The following PGGT1B variants were observed in gnomAD, a reference collection of about 807,000 sequenced individuals.
PGGT1B encodes geranylgeranyl transferase type-1 subunit beta.
A neutral mutation model predicts 46.1 loss-of-function variants in PGGT1B; 30 were observed. The ratio of observed to expected loss-of-function variants is 0.65; its 90% CI spans 0.49 to 0.88. The LOEUF is 0.88. Ranked by LOEUF, PGGT1B falls within the 40% of genes least tolerant of loss-of-function variation. The pLI is 0.00. For synonymous variants in PGGT1B, 170 were observed against 160.0 expected (o/e 1.06, Z -0.47); for missense variants, 376 against 455.9 (o/e 0.82, Z 1.60).
Position 115,208,040 on chromosome 5 carries a change from G to A in PGGT1B, c.*4362C>T, listed in dbSNP as rs1005007509. 6.6e-6 allele frequency: 1 copy of A among 151,856 alleles called. No homozygotes were observed. The highest frequency in any genetic ancestry group is 1.5e-5 in the Non-Finnish European group (1 of 67,896). The allele number at this position is 151,856 out of a possible 1,614,324, so 9.4% of individuals were successfully genotyped here. On this transcript the variant is annotated 3_prime_UTR_variant, in exon 9 of 9. Coordinates refer to ENST00000419445, the MANE Select transcript of PGGT1B (RefSeq NM_005023.4). ...GAATAGTAACAGATTATCTAGTATTGAACTACCCTTGCATTCTTACAATAA... is the reference window on the plus strand; with the variant it reads ...GAATAGTAACAGATTATCTAGTATTAAACTACCCTTGCATTCTTACAATAA...
rs982413365 is a variant in PGGT1B, at chr5:115,205,147, TGA to T, written c.*7253_*7254del. The stretch of plus-strand genomic sequence containing the variant: ...CTTGACTTGCTCATGTAGAATTAAA[TGA>T]GAGGGAAATTGGCTTTGAGCCTAAA... On this transcript the variant is annotated 3_prime_UTR_variant, in exon 9 of 9. Transcript: ENST00000419445. 3 of 152,208 alleles carry T rather than the reference TGA, an allele frequency of 2.0e-5. No individual in the cohort carries two copies. Among genetic ancestry groups the T allele is most frequent in the Non-Finnish European group, 2.9e-5 (2 of 68,020 alleles). The allele number at this position is 152,208 out of a possible 1,614,324, so 9.4% of individuals were successfully genotyped here. A position where few individuals can be genotyped will look rare whatever the true frequency, so the allele number is the denominator to read the frequency against.
chr5:115,234,232 T>C (rs115763614), intron 5 of PGGT1B, among the ~76,000 whole-genome samples: 3,209 of 148,542 alleles, frequency 0.022, 132 homozygotes, highest in African/African-American at 0.075. Context: ...AAAAAGAATA[T>C]GGTATGCTAC....
chr5:115,222,005 C>A lies in PGGT1B; in HGVS notation c.662G>T (p.Gly221Val). ...TGAGGCAATGCCACAAAAAGTTGAT[C>A]CTCCTGTTAATCAAAACCACACAAC... ...AQGAGLESHG[G>V]STFCGIASLC... The change falls in exon 7 of 9, where the codon GGA becomes GTA. Residue 221 changes from glycine (G) to valine (V), a missense_variant. Coordinates refer to ENST00000419445, the MANE Select transcript of PGGT1B (RefSeq NM_005023.4). The A allele has an allele frequency of 6.4e-7, 1 of 1,554,782 alleles. No homozygotes were observed. Among genetic ancestry groups the A allele is most frequent in the Non-Finnish European group, 8.7e-7 (1 of 1,153,744 alleles).
chr5:115,252,294 T>C (rs532273642), intron 2 of PGGT1B, among the ~76,000 whole-genome samples: 2 of 152,202 alleles, frequency 1.3e-5, no homozygotes, highest in East Asian at 3.9e-4. Flanking sequence ...ACAAACACTA[T>C]GAACTTCAAG....
intron 2 of PGGT1B, among the ~76,000 whole-genome samples, chr5:115,246,135 T>C (rs1747822467): frequency 1.3e-5 from 2 of 152,110 alleles, no homozygotes; most frequent in African/African-American, 2.4e-5. Context: ...GTGGATCACC[T>C]GAGGTCAGGA....
intron 1 of PGGT1B, among the ~76,000 whole-genome samples, chr5:115,259,899 A>G (rs1306566428): frequency 6.6e-6 from 1 of 152,146 alleles, no homozygotes; most frequent in Non-Finnish European, 1.5e-5. Context: ...TAAAAATAAC[A>G]GAAAATTGTC....
At position 115,251,762 on chromosome 5, in the gene PGGT1B, T is replaced by G. The variant is rs565958160; in HGVS notation, c.259+1375A>C. On this transcript the variant is annotated intron_variant, in intron 2 of 8. Transcript: ENST00000419445. ...GGAATAGCTTTCGTATGTGCCACAG[T>G]GTGTATATGATTTCCTATCTGTACC... Among the ~76,000 whole-genome samples, 11 of 152,112 alleles carry G rather than the reference T, an allele frequency of 7.2e-5. No homozygotes were observed. The East Asian group carries it at 2.1e-3, about 29-fold the overall frequency.
rs1326219802 is a variant in PGGT1B, at chr5:115,212,023, A to G, written c.*379T>C. Reference sequence around the variant, plus strand: ...CTTTTTAAATGATCACTAAGTGTTCACCTGAAGATTATCAATGCTATATGA... The same window carrying G: ...CTTTTTAAATGATCACTAAGTGTTCGCCTGAAGATTATCAATGCTATATGA... On this transcript the variant is annotated 3_prime_UTR_variant, in exon 9 of 9. Transcript: ENST00000419445. 1.8e-5 allele frequency: 3 copies of G among 165,100 alleles called. No individual in the cohort carries two copies. In the East Asian group the frequency reaches 5.4e-4, roughly 30 times the overall value. 10.2% of individuals were successfully genotyped at this position (165,100 alleles called of 1,614,324 possible).
chr5:115,254,060 C>T (rs777278327), intron 1 of PGGT1B, among the ~76,000 whole-genome samples: 3 of 152,126 alleles, frequency 2.0e-5, no homozygotes, highest in African/African-American at 4.8e-5. Flanking sequence ...AATAAATTAA[C>T]ACTTCAAATT....
intron 8 of PGGT1B, among the ~76,000 whole-genome samples, chr5:115,216,205 T>A (rs1756411364): frequency 6.6e-6 from 1 of 152,136 alleles, no homozygotes; most frequent in Non-Finnish European, 1.5e-5. Flanking sequence ...AGTGGTGCAA[T>A]CTCGGCTCAC....
chr5:115,218,627 C>A (rs1756497643), intron 7 of PGGT1B, among the ~76,000 whole-genome samples: 1 of 150,816 alleles, frequency 6.6e-6, no homozygotes, highest in South Asian at 2.1e-4. Flanking sequence ...CTTCTCTGTA[C>A]AAAGTATATC....
At position 115,205,272 on chromosome 5, in the gene PGGT1B, T is replaced by C. The variant is rs1756029201; in HGVS notation, c.*7130A>G. 2 of 152,164 alleles carry C rather than the reference T, an allele frequency of 1.3e-5. No individual in the cohort carries two copies. The highest frequency in any genetic ancestry group is 6.6e-5 in the Admixed American group (1 of 15,264). 9.4% of individuals were successfully genotyped at this position (152,164 alleles called of 1,614,324 possible). On this transcript the variant is annotated 3_prime_UTR_variant, in exon 9 of 9. Coordinates refer to ENST00000419445, the MANE Select transcript of PGGT1B (RefSeq NM_005023.4). ...GAAAACTTTTTGACTCACAAGTAGA[T>C]GCAAACATACATGAGTGAGGTCCCA...
chr5:115,230,530 T>C (rs1756944383), intron 6 of PGGT1B, among the ~76,000 whole-genome samples: 1 of 152,130 alleles, frequency 6.6e-6, no homozygotes. Context: ...GAATATAAGC[T>C]AAGCAGCAAA....
At chr5:115,218,646 A>T in intron 7 of PGGT1B, among the ~76,000 whole-genome samples, 1 of 151,516 alleles carries the variant, frequency 6.6e-6, no homozygotes, top group East Asian at 1.9e-4. Context: ...TCTCAGGGTA[A>T]GGTAAAATTC....
At position 115,260,986 on chromosome 5, in the gene PGGT1B, C is replaced by CAACTGTTTAACAATCACA. The variant is rs1748533121; in HGVS notation, c.140+1708_140+1725dup. Among the ~76,000 whole-genome samples, 3 of 152,286 alleles carry CAACTGTTTAACAATCACA rather than the reference C, an allele frequency of 2.0e-5. No homozygotes were observed. The South Asian group carries it at 6.2e-4, about 32-fold the overall frequency. On this transcript the variant is annotated intron_variant, in intron 1 of 8. Transcript: ENST00000419445. The stretch of plus-strand genomic sequence containing the variant: ...TATAGTGATAGCTGCAAGCAAAGTT[C>CAACTGTTTAACAATCACA]AACTGTTTAACAATCACAATTTAAT...
intron 5 of PGGT1B, among the ~76,000 whole-genome samples, chr5:115,234,526 A>C (rs1757112991): frequency 6.6e-6 from 1 of 152,048 alleles, no homozygotes; most frequent in Non-Finnish European, 1.5e-5. Flanking sequence ...GGCAGGAGAG[A>C]GCTAAGTGAA....
In PGGT1B at chr5:115,243,431, A is replaced by G. The variant is rs188499541; in HGVS notation, c.260-1825T>C. Among the ~76,000 whole-genome samples the G allele has an allele frequency of 4.3e-3, 651 of 152,346 alleles. 8 individuals carry two copies. Among genetic ancestry groups the G allele is most frequent in the Admixed American group, 8.4e-3 (128 of 15,304 alleles). ...GAAATGTATTTGATCAAGTTAAGCA[A>G]AAAAGTAGGATCCAAAAATAAATGT... On this transcript the variant is annotated intron_variant, in intron 2 of 8. Coordinates refer to ENST00000419445, the MANE Select transcript of PGGT1B (RefSeq NM_005023.4).
intron 2 of PGGT1B, among the ~76,000 whole-genome samples, chr5:115,250,573 T>G (rs1748048665): frequency 6.6e-6 from 1 of 152,152 alleles, no homozygotes; most frequent in Non-Finnish European, 1.5e-5. Context: ...TCCATGGAGT[T>G]GACAGTTTAA....
rs1234201198 is a variant in PGGT1B, at chr5:115,221,812, T to A, written c.843+12A>T. On this transcript the variant is annotated intron_variant, in intron 7 of 8. Coordinates refer to ENST00000419445, the MANE Select transcript of PGGT1B (RefSeq NM_005023.4). ...AGAATATAGGTTTCTCATTTTTTAT[T>A]ATTTCTCTTACCTTCAGAGTTGCTC... 7.9e-6 allele frequency: 12 copies of A among 1,524,342 alleles called. No homozygotes were observed. The highest frequency in any genetic ancestry group is 1.1e-5 in the Non-Finnish European group (12 of 1,129,350). The allele number at this position is 1,524,342 out of a possible 1,614,324, so 94.4% of individuals were successfully genotyped here.
Sources: allele counts gnomAD v4.1 joint callset (sites outside exome capture counted in the v4.1 genomes callset), GRCh38; gene constraint gnomAD v4.1.1; transcripts MANE v1.5; gene names NCBI Gene and HGNC (gene_info 2026-07-23, HGNC 2026-07-21).